Variants in TBL1XR1 observed in about 807,000 individuals in gnomAD.
TBL1XR1 encodes F-box-like/WD repeat-containing protein TBL1XR1.
Under a neutral mutation model 66.9 loss-of-function variants are expected in TBL1XR1, and 5 were observed. The ratio of observed to expected loss-of-function variants is 0.07; its 90% CI spans 0.04 to 0.16. The LOEUF (loss-of-function observed/expected upper bound fraction) is 0.16. TBL1XR1 is among the 10% of genes least tolerant of loss of function. TBL1XR1 has a pLI of 1.00. For synonymous variants in TBL1XR1, 210 were observed against 206.0 expected, an observed-to-expected ratio of 1.02 and a Z score of -0.17; for missense variants, 238 against 623.2, an observed-to-expected ratio of 0.38 and a Z score of 6.58.
chr3:177,166,507 A>C (rs1732840625), intron 1 of TBL1XR1, among the ~76,000 whole-genome samples: 1 of 152,104 alleles, frequency 6.6e-6, no homozygotes, highest in Admixed American at 6.6e-5. Context: ...TGGATCATGC[A>C]GCTTCCCCCA....
At chr3:177,115,144 A>C (rs1726156299) in intron 1 of TBL1XR1, among the ~76,000 whole-genome samples, 1 of 152,120 alleles carries the variant, frequency 6.6e-6, no homozygotes, top group Non-Finnish European at 1.5e-5. Flanking sequence ...GTACAGTGTA[A>C]TGCCATCAAC....
In TBL1XR1 at chr3:177,167,161, A is replaced by T. The variant is rs565046492; in HGVS notation, c.-122+29960T>A. The stretch of plus-strand genomic sequence containing the variant: ...TGCAGACAATGGATTATTATTCTAC[A>T]CTAAAAAGAAATGAGCTATCAAACC... On this transcript the variant is annotated intron_variant, in intron 1 of 15. Transcript: ENST00000457928. Among the ~76,000 whole-genome samples the T allele has an allele frequency of 2.0e-5, 3 of 152,342 alleles. No homozygotes were observed. In the South Asian group the frequency reaches 6.2e-4, roughly 32 times the overall value.
At chr3:177,134,957 G>GTGTGTC (rs1728730701) in intron 1 of TBL1XR1, among the ~76,000 whole-genome samples, 1 of 139,296 alleles carries the variant, frequency 7.2e-6, no homozygotes, top group Non-Finnish European at 1.6e-5. Flanking sequence ...GTGTGTGTGT[G>GTGTGTC]TGTGTGTGTC....
intron 1 of TBL1XR1, among the ~76,000 whole-genome samples, chr3:177,141,912 T>C (rs1729676593): frequency 6.6e-6 from 1 of 152,210 alleles, no homozygotes. Context: ...TAGATGACTG[T>C]GAGGACGTTA....
chr3:177,086,522 G>A (rs1011862601), intron 2 of TBL1XR1, among the ~76,000 whole-genome samples: 9 of 152,070 alleles, frequency 5.9e-5, no homozygotes, highest in African/African-American at 2.2e-4. Flanking sequence ...GGTAATGAAA[G>A]TGTCTGCTCT....
At chr3:177,175,247 G>C (rs1052367412) in intron 1 of TBL1XR1, among the ~76,000 whole-genome samples, 13 of 152,188 alleles carry the variant, frequency 8.5e-5, no homozygotes, top group Middle Eastern at 3.4e-3. Context: ...CAAAATAAAA[G>C]CTTAGCTGCT....
At position 177,197,366 on chromosome 3, in the gene TBL1XR1, C is replaced by G. The variant is rs1457871461; in HGVS notation, c.-367G>C. 1 of 120,832 alleles carries G rather than the reference C, an allele frequency of 8.3e-6. No individual in the cohort carries two copies. Among genetic ancestry groups the G allele is most frequent in the Non-Finnish European group, 1.8e-5 (1 of 55,246 alleles). The allele number at this position is 120,832 out of a possible 1,614,324, so 7.5% of individuals were successfully genotyped here. A position where few individuals can be genotyped will look rare whatever the true frequency, so the allele number is the denominator to read the frequency against. ...GGTGCTCCCGCCGCGGGGGGAGGGG[C>G]GGGGGCGCACGCGGCCGGCGGCGGG... is the stretch of plus-strand genomic sequence containing the variant. On this transcript the variant is annotated 5_prime_UTR_variant, in exon 1 of 16. Coordinates refer to ENST00000457928, the MANE Select transcript of TBL1XR1 (RefSeq NM_024665.7).
chr3:177,201,760 G>A (rs1401047930), upstream of TBL1XR1: 1 of 152,074 alleles, frequency 6.6e-6, no homozygotes, highest in South Asian at 2.1e-4. Flanking sequence ...GTGGCTTTAC[G>A]TCTGTAGCGT....
At chr3:177,112,969 T>C (rs1725838431) in intron 1 of TBL1XR1, among the ~76,000 whole-genome samples, 1 of 151,670 alleles carries the variant, frequency 6.6e-6, no homozygotes, top group African/African-American at 2.4e-5. Flanking sequence ...GCAGAGATCG[T>C]GGCACTGCAC....
chr3:177,124,727 T>C (rs1727400965), intron 1 of TBL1XR1, among the ~76,000 whole-genome samples: 1 of 152,142 alleles, frequency 6.6e-6, no homozygotes, highest in Admixed American at 6.5e-5. Flanking sequence ...ACTTAATAAG[T>C]TTATTCTCTT....
intron 1 of TBL1XR1, among the ~76,000 whole-genome samples, 187 bp downstream of exon 1, chr3:177,196,934 C>T (rs921064685): frequency 6.6e-6 from 1 of 151,618 alleles, no homozygotes; most frequent in Admixed American, 6.6e-5. Context: ...GATGGGGGCG[C>T]CCCAAGTGCC....
intron 1 of TBL1XR1, among the ~76,000 whole-genome samples, chr3:177,141,028 AAAT>A (rs1286746412): frequency 1.3e-5 from 2 of 152,204 alleles, no homozygotes; most frequent in African/African-American, 2.4e-5. Context: ...TATCTTGTAA[AAAT>A]AATAATATAT....
At position 177,020,030 on chromosome 3, in the gene TBL1XR1, GTCTC is replaced by G. The variant is rs997801969; in HGVS notation, c.*5464_*5467del. 2.0e-5 allele frequency: 3 copies of G among 147,466 alleles called. No individual in the cohort carries two copies. Among genetic ancestry groups the G allele is most frequent in the Non-Finnish European group, 1.5e-5 (1 of 67,014 alleles). 9.1% of individuals were successfully genotyped at this position (147,466 alleles called of 1,614,324 possible). Reference sequence around the variant, plus strand: ...TATGCTCAATGATTCTTTTTAAAAAGTCTCTAACTCTAAAGGAGTTGGTATTAAT... The same window carrying G: ...TATGCTCAATGATTCTTTTTAAAAAGTAACTCTAAAGGAGTTGGTATTAAT... On this transcript the variant is annotated 3_prime_UTR_variant, in exon 16 of 16. Coordinates refer to ENST00000457928, the MANE Select transcript of TBL1XR1 (RefSeq NM_024665.7).
At chr3:177,064,546 C>A (rs969424707) in intron 3 of TBL1XR1, among the ~76,000 whole-genome samples, 8 of 152,112 alleles carry the variant, frequency 5.3e-5, no homozygotes, top group African/African-American at 1.9e-4. Context: ...AATTTAATTT[C>A]CAAAATACTA....
intron 1 of TBL1XR1, among the ~76,000 whole-genome samples, chr3:177,145,209 G>A (rs1730107254): frequency 6.6e-6 from 1 of 152,184 alleles, no homozygotes; most frequent in Admixed American, 6.5e-5. Context: ...TACACCAGAG[G>A]TATGAAAACT....
chr3:177,138,217 C>A (rs1257282082), intron 1 of TBL1XR1, among the ~76,000 whole-genome samples: 1 of 152,192 alleles, frequency 6.6e-6, no homozygotes, highest in East Asian at 1.9e-4. Context: ...GGACAGATGA[C>A]CCCATCCTCT....
chr3:177,051,569 T>C lies in TBL1XR1; in HGVS notation c.362A>G (p.Gln121Arg). ...AAAAAAAASQ[Q>R]GSAKNGENTA... ...GTTTTCTCCATTTTTTGCAGATCCTTGTTGGCTGGCTGCAGCTGCGGCAGC... is the reference window on the plus strand; with the variant it reads ...GTTTTCTCCATTTTTTGCAGATCCTCGTTGGCTGGCTGCAGCTGCGGCAGC... The change falls in exon 5 of 16, where the codon CAA (glutamine) becomes CGA (arginine). Residue 121 changes from glutamine (Q) to arginine (R), a missense_variant. Around this residue, in one of 8 missense-constraint regions of TBL1XR1, gnomAD observed 80 missense variants for 100.5 expected, o/e 0.80. Coordinates refer to ENST00000457928, the MANE Select transcript of TBL1XR1 (RefSeq NM_024665.7). The C allele has an allele frequency of 6.2e-7, 1 of 1,613,618 alleles. No homozygotes were observed. The highest frequency in any genetic ancestry group is 8.5e-7 in the Non-Finnish European group (1 of 1,179,746).
intron 1 of TBL1XR1, among the ~76,000 whole-genome samples, chr3:177,113,432 A>C (rs1166496163): frequency 1.3e-5 from 2 of 152,206 alleles, no homozygotes; most frequent in Non-Finnish European, 2.9e-5. Flanking sequence ...AGAGAAAAAC[A>C]ATAACCTACA....
At chr3:177,158,228 T>C (rs1173458502) in intron 1 of TBL1XR1, among the ~76,000 whole-genome samples, 2 of 46,946 alleles carry the variant, frequency 4.3e-5, no homozygotes, top group Non-Finnish European at 7.4e-5. Context: ...TTGTTTCTTT[T>C]CTTTTTTTTT....
Sources: gnomAD v4.1 joint callset for allele counts (sites outside exome capture counted in the v4.1 genomes callset) on GRCh38, gnomAD v4.1.1 for gene constraint, gnomAD v4.1.1 regional missense constraint, MANE v1.5 for transcripts, NCBI Gene and HGNC (gene_info 2026-07-23, HGNC 2026-07-21) for gene names.